Variants in ERICH1 observed in about 807,000 individuals in gnomAD.
ERICH1 encodes the protein glutamate rich 1.
Under a neutral mutation model 39.6 loss-of-function variants are expected in ERICH1, and 56 were observed. That is an observed-to-expected ratio of 1.41 (90% CI 1.14 to 1.77). ERICH1 has a LOEUF of 1.77. Among genes scored for constraint, ERICH1 ranks in the 40% most tolerant of loss-of-function variants. The pLI is 0.00. For synonymous variants in ERICH1, 313 were observed against 223.6 expected (o/e 1.40, Z -3.57); for missense variants, 826 against 575.4 (o/e 1.44, Z -4.45).
chr8:703,163 G>C (rs1293931714), intron 2 of ERICH1, among the ~76,000 whole-genome samples: 2 of 152,188 alleles, frequency 1.3e-5, no homozygotes, highest in African/African-American at 4.8e-5. Context: ...TGTGGGAAAT[G>C]CAGTTCAGCA....
intron 2 of ERICH1, among the ~76,000 whole-genome samples, chr8:707,937 ACAACT>A (rs1813689189): frequency 6.6e-6 from 1 of 152,192 alleles, no homozygotes; most frequent in African/African-American, 2.4e-5. Flanking sequence ...ACCAATTCCG[ACAACT>A]CAGCAACAGA....
intron 2 of ERICH1, among the ~76,000 whole-genome samples, chr8:714,979 G>A (rs1324892090): frequency 6.6e-6 from 1 of 151,988 alleles, no homozygotes; most frequent in African/African-American, 2.4e-5. Context: ...TGGATGTGCT[G>A]CGCACAGCCG....
At chr8:726,841 AC>A (rs1372618418) in intron 1 of ERICH1, among the ~76,000 whole-genome samples, 5 of 152,038 alleles carry the variant, frequency 3.3e-5, no homozygotes, top group African/African-American at 7.2e-5. Context: ...CAGACACCAC[AC>A]AGGCACATAC....
intron 1 of ERICH1, among the ~76,000 whole-genome samples, chr8:720,234 C>T (rs940512281): frequency 1.3e-5 from 2 of 152,188 alleles, no homozygotes; most frequent in Admixed American, 1.3e-4. Context: ...GACATACCAA[C>T]GGCAGGACGC....
At position 645,475 on chromosome 8, in the gene ERICH1, T is replaced by C. The variant is rs1167282886; in HGVS notation, c.976+23123A>G. On this transcript the variant is annotated intron_variant, in intron 3 of 3. Transcript: ENST00000522706. ...GAAAAGGTAAATCTCTTGAACTTTA[T>C]GGCAGACAGTCGTGTTTTCCTTACT... Among the ~76,000 whole-genome samples the C allele has an allele frequency of 2.0e-4, 12 of 61,124 alleles. 3 individuals carry two copies. Among genetic ancestry groups the C allele is most frequent in the African/African-American group, 5.1e-4 (12 of 23,604 alleles). The allele number at this position is 61,124 out of a possible 152,430, so 40.1% of individuals were successfully genotyped here.
chr8:652,369 C>G (rs770738362), intron 3 of ERICH1, among the ~76,000 whole-genome samples: 1 of 152,196 alleles, frequency 6.6e-6, no homozygotes, highest in Non-Finnish European at 1.5e-5. Flanking sequence ...AACACAGGCT[C>G]GCAACCAAAT....
At chr8:710,115 C>T (rs1301188959) in intron 2 of ERICH1, among the ~76,000 whole-genome samples, 3 of 152,194 alleles carry the variant, frequency 2.0e-5, no homozygotes, top group Non-Finnish European at 4.4e-5. Flanking sequence ...ATCAATAAAC[C>T]TACGCTGACA....
intron 3 of ERICH1, among the ~76,000 whole-genome samples, chr8:635,194 G>A (rs1211623529): frequency 3.3e-5 from 5 of 152,064 alleles, no homozygotes; most frequent in African/African-American, 1.2e-4. Flanking sequence ...GAAACCCCCC[G>A]AGGACAGGCC....
At chr8:697,798 G>A (rs536109049) in intron 2 of ERICH1, among the ~76,000 whole-genome samples, 3 of 152,306 alleles carry the variant, frequency 2.0e-5, no homozygotes, top group East Asian at 3.9e-4. Flanking sequence ...ACATGCAGCA[G>A]CAGCAGCACG....
At chr8:627,433 G>C (rs562519086) in intron 3 of ERICH1, among the ~76,000 whole-genome samples, 2 of 152,192 alleles carry the variant, frequency 1.3e-5, no homozygotes, top group Non-Finnish European at 2.9e-5. Context: ...CCCTCTCCCA[G>C]GGGTCAGGCA....
At chr8:719,931 A>G (rs1400273863) in intron 1 of ERICH1, among the ~76,000 whole-genome samples, 1 of 145,378 alleles carries the variant, frequency 6.9e-6, no homozygotes, top group Non-Finnish European at 1.5e-5. Context: ...CCTCCAGCCC[A>G]CCCGGCCCTC....
chr8:641,950 G>A (rs1447538619), intron 3 of ERICH1, among the ~76,000 whole-genome samples: 2 of 152,208 alleles, frequency 1.3e-5, no homozygotes, highest in African/African-American at 2.4e-5. Flanking sequence ...TTCCGAGGAG[G>A]CATCTATTAA....
At chr8:719,044 T>C (rs534074807) in intron 1 of ERICH1, among the ~76,000 whole-genome samples, 6 of 152,268 alleles carry the variant, frequency 3.9e-5, no homozygotes, top group Admixed American at 1.3e-4. Flanking sequence ...AGCTTCCCCA[T>C]AGACCACCTA....
At chr8:675,131 CGAGGACAGAGACGCGGCGGCCCCTCGT>C (rs1563233097) in intron 3 of ERICH1, among the ~76,000 whole-genome samples, 5 of 132,992 alleles carry the variant, frequency 3.8e-5, no homozygotes, top group Admixed American at 7.6e-5. Context: ...GGCCCCTCGG[CGAGGACAGAGACGCGGCGGCCCCTCGT>C]GAGGACAGAG....
downstream of ERICH1, among the ~76,000 whole-genome samples, chr8:660,429 A>G (rs1024938600): frequency 1.3e-5 from 2 of 152,170 alleles, no homozygotes; most frequent in African/African-American, 2.4e-5. Flanking sequence ...CGGGGCTGGG[A>G]CTTGGTGCCT....
In ERICH1 at chr8:626,704, G is replaced by A. The variant is rs1584947131; in HGVS notation, c.977-11420C>T. 5 of 173,366 alleles carry A rather than the reference G, an allele frequency of 2.9e-5. No individual in the cohort carries two copies. The South Asian group carries it at 7.1e-4, about 24-fold the overall frequency. 10.7% of individuals were successfully genotyped at this position (173,366 alleles called of 1,614,324 possible). ...GGTGGCCTGCCTAGAGGGTGTTCCA[G>A]CTGGCGTCTGTCTCTCATCGCGATG... On this transcript the variant is annotated intron_variant, in intron 3 of 3. Coordinates refer to the ERICH1 transcript ENST00000522706.
At chr8:713,872 C>T (rs1210034660) in intron 2 of ERICH1, among the ~76,000 whole-genome samples, 2 of 152,112 alleles carry the variant, frequency 1.3e-5, no homozygotes, top group Non-Finnish European at 2.9e-5. Flanking sequence ...CCAGAAATGG[C>T]ACCCAGGAAC....
intron 3 of ERICH1, among the ~76,000 whole-genome samples, chr8:650,659 G>A (rs1041102630): frequency 6.6e-6 from 1 of 152,206 alleles, no homozygotes; most frequent in Non-Finnish European, 1.5e-5. Context: ...CAGGAGAGAA[G>A]GAGGACATGA....
At chr8:634,469 G>A (rs540222463) in intron 3 of ERICH1, among the ~76,000 whole-genome samples, 3 of 152,342 alleles carry the variant, frequency 2.0e-5, no homozygotes, top group East Asian at 3.9e-4. Context: ...TCTCCTGGGC[G>A]TACACCCAAA....
Sources: allele counts gnomAD v4.1 joint callset (sites outside exome capture counted in the v4.1 genomes callset), GRCh38; gene constraint gnomAD v4.1.1; transcripts MANE v1.5; gene names NCBI Gene and HGNC (gene_info 2026-07-23, HGNC 2026-07-21).